SEMA5A: variants seen among roughly 807,000 people sequenced by gnomAD.
The protein encoded by SEMA5A is semaphorin 5A, also known as semaphorin-5A.
SEMA5A carries 55 observed loss-of-function variants against 135.5 expected under a neutral mutation model. That is an observed-to-expected ratio of 0.41 (90% CI 0.33 to 0.51). The LOEUF (loss-of-function observed/expected upper bound fraction) is 0.51. Among genes scored for constraint, SEMA5A ranks in the 20% least tolerant of loss-of-function variants. The probability of loss-of-function intolerance (pLI) is 0.37; values close to 1 mark genes in which losing one functional copy is unlikely to be tolerated. For synonymous variants in SEMA5A, 580 were observed against 546.5 expected, an observed-to-expected ratio of 1.06 and a Z score of -0.85; for missense variants, 1,290 against 1,419.9, an observed-to-expected ratio of 0.91 and a Z score of 1.47.
intron 2 of SEMA5A, among the ~76,000 whole-genome samples, chr5:9,428,156 CTAT>C: frequency 7.2e-6 from 1 of 139,156 alleles, no homozygotes; most frequent in African/African-American, 2.9e-5. Context: ...ATCTATCTAT[CTAT>C]CTATCTATCC....
intron 2 of SEMA5A, among the ~76,000 whole-genome samples, chr5:9,413,429 G>A (rs1757173454): frequency 6.6e-6 from 1 of 152,202 alleles, no homozygotes; most frequent in Non-Finnish European, 1.5e-5. Context: ...TCAATGGCAT[G>A]TACAGAGTAT....
At chr5:9,054,320 A>T in intron 18 of SEMA5A, 63 bp from the exon 19 acceptor site, 1 of 1,547,660 alleles carries the variant, frequency 6.5e-7, no homozygotes, top group Non-Finnish European at 8.7e-7. Context: ...GAAAGGAGTT[A>T]CTAAATGGAA....
chr5:9,195,014 A>T lies in SEMA5A; in HGVS notation c.1068+2154T>A, dbSNP rs141658654. 4.3e-3 allele frequency among the ~76,000 whole-genome samples: 662 copies of T among 152,364 alleles called. 4 individuals are homozygous for T. Among genetic ancestry groups the T allele is most frequent in the African/African-American group, 0.015 (614 of 41,584 alleles). On this transcript the variant is annotated intron_variant, in intron 10 of 22. Coordinates refer to ENST00000382496, the MANE Select transcript of SEMA5A (RefSeq NM_003966.3). Reference sequence around the variant, plus strand: ...CCTTCTGCAATAAAAACATCACTGTATGGAAAATACAGTAAGCATTATTAA... The same window carrying T: ...CCTTCTGCAATAAAAACATCACTGTTTGGAAAATACAGTAAGCATTATTAA...
At chr5:9,074,474 TA>T (rs199841505) in intron 16 of SEMA5A, among the ~76,000 whole-genome samples, 7 of 151,822 alleles carry the variant, frequency 4.6e-5, no homozygotes, top group Non-Finnish European at 7.4e-5. Flanking sequence ...ATCCATAAAA[TA>T]AAAAAAACAA....
intron 5 of SEMA5A, among the ~76,000 whole-genome samples, chr5:9,252,461 G>A (rs1267850153): frequency 1.3e-5 from 2 of 152,156 alleles, no homozygotes. Flanking sequence ...AACATGCACG[G>A]ATAAACATGG....
At chr5:9,136,720 T>C in intron 12 of SEMA5A, 99 bp from the exon 13 acceptor site, 1 of 951,836 alleles carries the variant, frequency 1.1e-6, no homozygotes, top group Non-Finnish European at 1.7e-6. Context: ...AGGTATGGGA[T>C]TTCTTACATA....
chr5:9,417,215 G>A (rs895665818), intron 2 of SEMA5A, among the ~76,000 whole-genome samples: 3 of 152,168 alleles, frequency 2.0e-5, no homozygotes, highest in African/African-American at 7.2e-5. Flanking sequence ...AGTTTTACTA[G>A]AATAAATAAA....
chr5:9,256,084 C>A lies in SEMA5A; in HGVS notation c.271-18194G>T, dbSNP rs116503088. 3.9e-5 allele frequency among the ~76,000 whole-genome samples: 6 copies of A among 152,326 alleles called. No homozygotes were observed. In the South Asian group the frequency reaches 1.2e-3, roughly 32 times the overall value. ...TGCGTCCATTTCTCTACCAGTAACT[C>A]TTGCCTAAATTCTAATGCAATTTCC... On this transcript the variant is annotated intron_variant, in intron 5 of 22. Coordinates refer to ENST00000382496, the MANE Select transcript of SEMA5A (RefSeq NM_003966.3).
chr5:9,416,234 C>T (rs1757278579), intron 2 of SEMA5A, among the ~76,000 whole-genome samples: 1 of 152,100 alleles, frequency 6.6e-6, no homozygotes, highest in Non-Finnish European at 1.5e-5. Flanking sequence ...CATCCTTTTA[C>T]CCTAAAACTC....
chr5:9,328,257 A>ATTAG (rs774556748), intron 4 of SEMA5A, among the ~76,000 whole-genome samples: 5 of 152,166 alleles, frequency 3.3e-5, no homozygotes, highest in Non-Finnish European at 7.4e-5. Flanking sequence ...CCTAAGTCTA[A>ATTAG]GCACCCTCTA....
intron 4 of SEMA5A, among the ~76,000 whole-genome samples, chr5:9,321,429 G>A (rs1433867758): frequency 6.6e-6 from 1 of 152,104 alleles, no homozygotes; most frequent in East Asian, 1.9e-4. Flanking sequence ...TCAGGAGGCT[G>A]CCCCTCTGCT....
intron 3 of SEMA5A, among the ~76,000 whole-genome samples, chr5:9,375,559 C>T (rs1245773696): frequency 1.3e-5 from 2 of 149,984 alleles, no homozygotes; most frequent in East Asian, 3.9e-4. Context: ...GGACTTCTGG[C>T]CTCCAGAACT....
rs543258610 is a variant in SEMA5A, at chr5:9,472,404, C to T, written c.-174-34552G>A. Among the ~76,000 whole-genome samples the T allele has an allele frequency of 2.0e-5, 3 of 152,280 alleles. No individual in the cohort carries two copies. In the South Asian group the frequency reaches 6.2e-4, roughly 32 times the overall value. The stretch of plus-strand genomic sequence containing the variant: ...CCTGACTTTGGAAATCAATTCTGTG[C>T]TGTGAGAATAAGGTTTGAAATGAAA... On this transcript the variant is annotated intron_variant, in intron 1 of 22. Coordinates refer to ENST00000382496, the MANE Select transcript of SEMA5A (RefSeq NM_003966.3).
chr5:9,083,842 C>T (rs771463544), intron 16 of SEMA5A, among the ~76,000 whole-genome samples: 3 of 152,200 alleles, frequency 2.0e-5, no homozygotes, highest in Non-Finnish European at 4.4e-5. Flanking sequence ...CAGTAATTGT[C>T]ACTCTGGCCA....
At chr5:9,464,337 C>T (rs1323284708) in intron 1 of SEMA5A, among the ~76,000 whole-genome samples, 1 of 152,166 alleles carries the variant, frequency 6.6e-6, no homozygotes, top group Admixed American at 6.5e-5. Flanking sequence ...AATGTCTAAA[C>T]TCCCATGTCT....
At chr5:9,339,530 T>C (rs1017930260) in intron 3 of SEMA5A, among the ~76,000 whole-genome samples, 4 of 152,018 alleles carry the variant, frequency 2.6e-5, no homozygotes, top group Non-Finnish European at 5.9e-5. Context: ...TTGAATGCGA[T>C]AGGAAATAAT....
intron 3 of SEMA5A, among the ~76,000 whole-genome samples, chr5:9,357,279 G>T (rs1307154648): frequency 6.6e-6 from 1 of 152,168 alleles, no homozygotes; most frequent in African/African-American, 2.4e-5. Flanking sequence ...AAATTGGACT[G>T]TGTCCACCAA....
At chr5:9,293,362 T>C (rs1419897965) in intron 5 of SEMA5A, among the ~76,000 whole-genome samples, 2 of 152,226 alleles carry the variant, frequency 1.3e-5, no homozygotes, top group Non-Finnish European at 2.9e-5. Context: ...TGTCTTTTAC[T>C]TCTTAAGGGT....
At chr5:9,170,830 A>T (rs1261967594) in intron 11 of SEMA5A, among the ~76,000 whole-genome samples, 1 of 152,154 alleles carries the variant, frequency 6.6e-6, no homozygotes, top group African/African-American at 2.4e-5. Context: ...AGACAAGTAT[A>T]TGATAAAGGA....
Sources: allele counts gnomAD v4.1 joint callset (sites outside exome capture counted in the v4.1 genomes callset), GRCh38; gene constraint gnomAD v4.1.1; transcripts MANE v1.5; gene names NCBI Gene and HGNC (gene_info 2026-07-23, HGNC 2026-07-21).